PIP5K1B: variants seen among roughly 807,000 people sequenced by gnomAD.
The protein encoded by PIP5K1B is phosphatidylinositol 4-phosphate 5-kinase type-1 beta.
PIP5K1B carries 42 observed loss-of-function variants against 67.0 expected under a neutral mutation model. That is an observed-to-expected ratio of 0.63 (90% CI 0.49 to 0.81). The LOEUF (loss-of-function observed/expected upper bound fraction) is 0.81. PIP5K1B is among the 30% of genes least tolerant of loss of function. PIP5K1B has a pLI of 0.00. For synonymous variants in PIP5K1B, 214 were observed against 231.4 expected, an observed-to-expected ratio of 0.92 and a Z score of 0.68; for missense variants, 459 against 646.3, an observed-to-expected ratio of 0.71 and a Z score of 3.14.
At chr9:68,876,185 A>G (rs554712922) in intron 5 of PIP5K1B, among the ~76,000 whole-genome samples, 5 of 152,228 alleles carry the variant, frequency 3.3e-5, no homozygotes, top group Non-Finnish European at 7.3e-5. Flanking sequence ...AAATGTAAAT[A>G]AAAGAGTTCA....
At chr9:68,738,019 T>C (rs1828822164) in intron 1 of PIP5K1B, among the ~76,000 whole-genome samples, 1 of 152,220 alleles carries the variant, frequency 6.6e-6, no homozygotes, top group Admixed American at 6.5e-5. Flanking sequence ...CTGATTCTAT[T>C]CATATGCCAT....
intron 1 of PIP5K1B, among the ~76,000 whole-genome samples, chr9:68,730,338 C>T (rs1390704504): frequency 1.3e-5 from 2 of 152,082 alleles, no homozygotes; most frequent in Non-Finnish European, 2.9e-5. Context: ...GCACCTGATA[C>T]GAACAGCCAG....
intron 5 of PIP5K1B, among the ~76,000 whole-genome samples, chr9:68,866,344 A>G (rs1823353932): frequency 6.6e-6 from 1 of 151,964 alleles, no homozygotes; most frequent in Admixed American, 6.6e-5. Context: ...CTTTATAATA[A>G]TATTGTGTAA....
intron 2 of PIP5K1B, among the ~76,000 whole-genome samples, chr9:68,815,748 A>AT (rs1447301892): frequency 6.6e-6 from 1 of 152,168 alleles, no homozygotes; most frequent in Non-Finnish European, 1.5e-5. Flanking sequence ...CGGTTGTTCA[A>AT]TATCACTTAT....
In PIP5K1B at chr9:68,940,638, G is replaced by A. The variant is rs75681001; in HGVS notation, c.1358-8G>A. On this transcript the variant is annotated splice_polypyrimidine_tract_variant and splice_region_variant and intron_variant, in intron 13 of 15. Coordinates refer to ENST00000265382, the MANE Select transcript of PIP5K1B (RefSeq NM_003558.4). ...ATTCATGAATGTGTGTGTTGCTTTC[G>A]TTCCTAGCCCTGGGATCCCGACACA... is the stretch of plus-strand genomic sequence containing the variant. 1.1e-4 allele frequency: 171 copies of A among 1,612,860 alleles called. No homozygotes were observed. Among genetic ancestry groups the A allele is most frequent in the Middle Eastern group, 3.3e-4 (2 of 6,048 alleles).
intron 2 of PIP5K1B, among the ~76,000 whole-genome samples, chr9:68,774,369 G>A (rs1830809925): frequency 6.6e-6 from 1 of 152,060 alleles, no homozygotes; most frequent in African/African-American, 2.4e-5. Context: ...TGATACTGTT[G>A]TGTGTCAGAG....
At chr9:68,747,210 G>A (rs1205016838) in intron 2 of PIP5K1B, among the ~76,000 whole-genome samples, 1 of 149,640 alleles carries the variant, frequency 6.7e-6, no homozygotes, top group African/African-American at 2.5e-5. Context: ...AACAACTTGG[G>A]TGTACTTGCT....
chr9:68,888,655 T>C (rs1396608626), intron 6 of PIP5K1B, among the ~76,000 whole-genome samples: 1 of 152,216 alleles, frequency 6.6e-6, no homozygotes, highest in Non-Finnish European at 1.5e-5. Context: ...TTTATGGACA[T>C]TTGCTGGAAA....
At chr9:68,758,920 C>A (rs1443123889) in intron 2 of PIP5K1B, among the ~76,000 whole-genome samples, 1 of 152,080 alleles carries the variant, frequency 6.6e-6, no homozygotes, top group Non-Finnish European at 1.5e-5. Context: ...TATTTCTCAT[C>A]ATGGAGAAAG....
intron 1 of PIP5K1B, among the ~76,000 whole-genome samples, chr9:68,710,311 A>G (rs926985550): frequency 6.6e-6 from 1 of 152,164 alleles, no homozygotes; most frequent in African/African-American, 2.4e-5. Context: ...ATAGAGCAGG[A>G]TGTGTTACTT....
At chr9:68,823,052 T>C (rs1021146982) in intron 4 of PIP5K1B, among the ~76,000 whole-genome samples, 7 of 152,164 alleles carry the variant, frequency 4.6e-5, no homozygotes, top group Non-Finnish European at 1.0e-4. Context: ...GGTGGCGTCT[T>C]TCCCAGGCTG....
At chr9:68,867,852 G>A (rs1804362813) in intron 5 of PIP5K1B, among the ~76,000 whole-genome samples, 1 of 152,092 alleles carries the variant, frequency 6.6e-6, no homozygotes, top group Admixed American at 6.5e-5. Flanking sequence ...AGTCTATCTG[G>A]GTCATAGAAC....
chr9:68,782,419 T>G (rs527450469), intron 2 of PIP5K1B: 1 of 167,042 alleles, frequency 6.0e-6, no homozygotes, highest in African/African-American at 2.4e-5. Flanking sequence ...AGCAAAAATT[T>G]TTTTATATTA....
At chr9:68,760,255 A>G (rs187656510) in intron 2 of PIP5K1B, among the ~76,000 whole-genome samples, 39 of 152,194 alleles carry the variant, frequency 2.6e-4, no homozygotes, top group African/African-American at 9.1e-4. Context: ...ATCAATAACA[A>G]CTACTCTAGT....
chr9:68,926,819 G>T (rs188457054), intron 12 of PIP5K1B, among the ~76,000 whole-genome samples: 4 of 152,020 alleles, frequency 2.6e-5, no homozygotes, highest in African/African-American at 9.6e-5. Flanking sequence ...TGATCTACCC[G>T]CCTCAGCCTC....
chr9:68,789,240 C>A, intron 2 of PIP5K1B: 1 of 472,850 alleles, frequency 2.1e-6, no homozygotes, highest in South Asian at 1.9e-5. Flanking sequence ...GACAACTGTT[C>A]GAAGGATAGT....
chr9:68,918,868 G>A (rs1287676708), intron 9 of PIP5K1B, among the ~76,000 whole-genome samples: 1 of 151,938 alleles, frequency 6.6e-6, no homozygotes, highest in Non-Finnish European at 1.5e-5. Context: ...TAAAAACCAC[G>A]CTAGCATTGA....
intron 4 of PIP5K1B, among the ~76,000 whole-genome samples, chr9:68,839,561 T>A (rs1457676384): frequency 6.6e-6 from 1 of 152,216 alleles, no homozygotes; most frequent in Non-Finnish European, 1.5e-5. Flanking sequence ...AGATTAATCC[T>A]CTGTGGGAAA....
chr9:68,801,874 G>A (rs964258234), intron 2 of PIP5K1B, among the ~76,000 whole-genome samples: 3 of 152,202 alleles, frequency 2.0e-5, no homozygotes, highest in East Asian at 1.9e-4. Flanking sequence ...TATTAGCAGC[G>A]CATTTCGGCC....
Sources: allele counts gnomAD v4.1 joint callset (sites outside exome capture counted in the v4.1 genomes callset), GRCh38; gene constraint gnomAD v4.1.1; transcripts MANE v1.5; gene names NCBI Gene and HGNC (gene_info 2026-07-23, HGNC 2026-07-21).